The following HHAT variants were observed in gnomAD, a reference collection of about 807,000 sequenced individuals.
HHAT encodes the protein protein-cysteine N-palmitoyltransferase HHAT.
HHAT carries 47 observed loss-of-function variants against 70.8 expected under a neutral mutation model. The ratio of observed to expected loss-of-function variants is 0.66; its 90% CI spans 0.53 to 0.85. The LOEUF (loss-of-function observed/expected upper bound fraction) is 0.85, where lower values mean the gene tolerates loss of function less well. HHAT is among the 40% of genes least tolerant of loss of function. The probability of loss-of-function intolerance (pLI) is 0.00; values close to 1 mark genes in which losing one functional copy is unlikely to be tolerated. For synonymous variants in HHAT, 228 were observed against 247.6 expected, an observed-to-expected ratio of 0.92 and a Z score of 0.74; for missense variants, 609 against 604.8, an observed-to-expected ratio of 1.01 and a Z score of -0.07.
At chr1:210,512,367 G>T (rs1479870918) in intron 8 of HHAT, among the ~76,000 whole-genome samples, 1 of 152,054 alleles carries the variant, frequency 6.6e-6, no homozygotes, top group Non-Finnish European at 1.5e-5. Flanking sequence ...GGCTAGTGTG[G>T]TGTTGGGCTT....
chr1:210,530,887 T>C (rs975788355), intron 9 of HHAT, among the ~76,000 whole-genome samples: 2 of 151,924 alleles, frequency 1.3e-5, no homozygotes, highest in Non-Finnish European at 2.9e-5. Flanking sequence ...AAAAAAAAAA[T>C]GCATATAAAC....
At chr1:210,573,922 G>T (rs1282615370) in intron 9 of HHAT, among the ~76,000 whole-genome samples, 1 of 152,202 alleles carries the variant, frequency 6.6e-6, no homozygotes, top group African/African-American at 2.4e-5. Flanking sequence ...CCAGGGAAAT[G>T]AGAGGGATGA....
chr1:210,407,351 C>T (rs1216446107), intron 6 of HHAT, among the ~76,000 whole-genome samples: 1 of 152,192 alleles, frequency 6.6e-6, no homozygotes, highest in Non-Finnish European at 1.5e-5. Context: ...CTTAGACTGG[C>T]AGGTCAATGC....
At chr1:210,520,944 A>G (rs1396780027) in intron 9 of HHAT, among the ~76,000 whole-genome samples, 1 of 152,236 alleles carries the variant, frequency 6.6e-6, no homozygotes, top group African/African-American at 2.4e-5. Flanking sequence ...TCTCAGGACT[A>G]GTGGAAATGC....
chr1:210,565,890 C>G (rs553038452), intron 9 of HHAT, among the ~76,000 whole-genome samples: 1 of 152,256 alleles, frequency 6.6e-6, no homozygotes, highest in East Asian at 1.9e-4. Flanking sequence ...CTGGATGGCT[C>G]TTGGTGTGGG....
At position 210,386,238 on chromosome 1, in the gene HHAT, T is replaced by TTTC. The variant is rs1407236378; in HGVS notation, c.160-1228_160-1227insCTT. Among the ~76,000 whole-genome samples, 102 of 99,628 alleles carry TTTC rather than the reference T, an allele frequency of 1.0e-3. 2 individuals carry two copies. Among genetic ancestry groups the TTTC allele is most frequent in the African/African-American group, 3.9e-3 (98 of 25,072 alleles). 65.4% of individuals were successfully genotyped at this position (99,628 alleles called of 152,430 possible). A position where few individuals can be genotyped will look rare whatever the true frequency, so the allele number is the denominator to read the frequency against. On this transcript the variant is annotated intron_variant, in intron 3 of 11. Transcript: ENST00000261458. ...AGTCCTTTTCTTTTTTTCTTTTTTT[T>TTTC]TTTTTTTTTTTTTTTTTTGAGACAG... is the stretch of plus-strand genomic sequence containing the variant.
intron 7 of HHAT, among the ~76,000 whole-genome samples, chr1:210,420,223 G>A (rs759804773): frequency 2.0e-5 from 3 of 152,090 alleles, no homozygotes; most frequent in African/African-American, 4.8e-5. Context: ...ACACCTCGTC[G>A]TATGAATAGA....
intron 9 of HHAT, among the ~76,000 whole-genome samples, chr1:210,534,185 T>A (rs2148642709): frequency 6.6e-6 from 1 of 152,298 alleles, no homozygotes; most frequent in East Asian, 1.9e-4. Context: ...GCACCTATGG[T>A]CTGTGAGGGG....
At chr1:210,344,255 C>T (rs2086300808) in intron 1 of HHAT, among the ~76,000 whole-genome samples, 1 of 151,054 alleles carries the variant, frequency 6.6e-6, no homozygotes. Flanking sequence ...AAACATAGAG[C>T]ATTGTTGAAA....
chr1:210,651,452 G>A (rs958667874), intron 11 of HHAT, among the ~76,000 whole-genome samples: 1 of 152,138 alleles, frequency 6.6e-6, no homozygotes, highest in African/African-American at 2.4e-5. Flanking sequence ...GGAAACACAA[G>A]GGAAGAAGTG....
intron 7 of HHAT, among the ~76,000 whole-genome samples, chr1:210,456,007 G>A (rs929121863): frequency 6.6e-6 from 1 of 152,130 alleles, no homozygotes; most frequent in South Asian, 2.1e-4. Context: ...AGAGGAGAGT[G>A]CAAAGCTCTG....
intron 8 of HHAT, among the ~76,000 whole-genome samples, chr1:210,472,423 C>G (rs2094221236): frequency 6.6e-6 from 1 of 152,146 alleles, no homozygotes; most frequent in African/African-American, 2.4e-5. Flanking sequence ...AGTCTGTGCT[C>G]TTGATCACTC....
chr1:210,542,317 C>A (rs1224662552), intron 9 of HHAT, among the ~76,000 whole-genome samples: 1 of 152,108 alleles, frequency 6.6e-6, no homozygotes, highest in Non-Finnish European at 1.5e-5. Flanking sequence ...TAAACTGTTA[C>A]CCCTGGCTTA....
At chr1:210,502,802 A>G (rs1335780691) in intron 8 of HHAT, among the ~76,000 whole-genome samples, 1 of 152,210 alleles carries the variant, frequency 6.6e-6, no homozygotes, top group Admixed American at 6.5e-5. Flanking sequence ...TTACTTTAAC[A>G]GAATTTATTG....
intron 7 of HHAT, among the ~76,000 whole-genome samples, chr1:210,437,860 C>A (rs1408173847): frequency 6.6e-6 from 1 of 151,832 alleles, no homozygotes; most frequent in East Asian, 1.9e-4. Flanking sequence ...TCCCATGAAT[C>A]AGTTTTAGAT....
intron 11 of HHAT, among the ~76,000 whole-genome samples, chr1:210,647,242 C>T (rs1674242764): frequency 6.6e-6 from 1 of 152,162 alleles, no homozygotes; most frequent in South Asian, 2.1e-4. Context: ...ATGAGGACAC[C>T]AGTCTTAATT....
At chr1:210,656,381 C>T (rs994361900) in intron 11 of HHAT, among the ~76,000 whole-genome samples, 1 of 149,412 alleles carries the variant, frequency 6.7e-6, no homozygotes, top group Non-Finnish European at 1.5e-5. Flanking sequence ...TGTGCTTTCT[C>T]TTACCCTCAG....
At chr1:210,559,277 G>C (rs1287631956) in intron 9 of HHAT, among the ~76,000 whole-genome samples, 2 of 152,128 alleles carry the variant, frequency 1.3e-5, no homozygotes, top group Non-Finnish European at 2.9e-5. Flanking sequence ...AATATTTCAT[G>C]AGGGCAGGGA....
At chr1:210,385,225 T>C (rs1024446889) in intron 3 of HHAT, among the ~76,000 whole-genome samples, 2 of 151,616 alleles carry the variant, frequency 1.3e-5, no homozygotes, top group East Asian at 3.9e-4. Context: ...TTCAAAAATG[T>C]TGTATTTAAA....
Sources: gnomAD v4.1 joint callset for allele counts (sites outside exome capture counted in the v4.1 genomes callset) on GRCh38, gnomAD v4.1.1 for gene constraint, MANE v1.5 for transcripts, NCBI Gene and HGNC (gene_info 2026-07-23, HGNC 2026-07-21) for gene names.